Variants in HRH1 observed in about 807,000 individuals in gnomAD.
The protein encoded by HRH1 is histamine H1 receptor.
HRH1 carries 6 observed loss-of-function variants against 10.3 expected under a neutral mutation model. That is an observed-to-expected ratio of 0.58 (90% CI 0.32 to 1.15). The LOEUF is 1.15. Ranked by LOEUF, HRH1 falls within the 50% of genes most tolerant of loss-of-function variation. The pLI, the probability that HRH1 is intolerant of heterozygous loss-of-function variation, is 0.05. For synonymous variants in HRH1, 242 were observed against 236.7 expected (o/e 1.02, Z -0.21); for missense variants, 514 against 615.3 (o/e 0.84, Z 1.74).
intron 1 of HRH1, among the ~76,000 whole-genome samples, chr3:11,254,718 C>T (rs1158136679): frequency 6.6e-6 from 1 of 152,160 alleles, no homozygotes; most frequent in African/African-American, 2.4e-5. Context: ...AGATGAACCC[C>T]CAAGTTTGTT....
At chr3:11,257,559 CAA>C (rs1235459388) in intron 1 of HRH1, among the ~76,000 whole-genome samples, 7 of 99,542 alleles carry the variant, frequency 7.0e-5, no homozygotes, top group Admixed American at 1.1e-4. Context: ...GACTCCATCT[CAA>C]AAAAAAAAAA....
At chr3:11,257,831 G>T (rs1939822187) in intron 1 of HRH1, among the ~76,000 whole-genome samples, 1 of 152,074 alleles carries the variant, frequency 6.6e-6, no homozygotes, top group Admixed American at 6.6e-5. Context: ...AAATTTCATT[G>T]TAAAGACAGG....
intron 1 of HRH1, among the ~76,000 whole-genome samples, chr3:11,254,913 C>G (rs1055402950): frequency 1.3e-5 from 2 of 152,348 alleles, no homozygotes; most frequent in Admixed American, 1.3e-4. Context: ...GTCCTTTCCG[C>G]ATTGGCTGGG....
intron 1 of HRH1, among the ~76,000 whole-genome samples, chr3:11,225,021 T>G (rs1231294790): frequency 6.6e-6 from 1 of 152,162 alleles, no homozygotes. Flanking sequence ...TCAAAGTGGA[T>G]GCTCCACTGC....
intron 1 of HRH1, among the ~76,000 whole-genome samples, chr3:11,202,924 C>T (rs1937985217): frequency 6.6e-6 from 1 of 152,192 alleles, no homozygotes; most frequent in African/African-American, 2.4e-5. Flanking sequence ...TTCCCCTGCC[C>T]AAATCCTGCT....
At chr3:11,139,095 C>CT (rs1390232920) in intron 1 of HRH1, among the ~76,000 whole-genome samples, 1 of 150,932 alleles carries the variant, frequency 6.6e-6, no homozygotes, top group Non-Finnish European at 1.5e-5. Context: ...TCAAGTGATT[C>CT]TCCTGCCTCA....
chr3:11,153,608 C>T (rs1425699736), upstream of HRH1, among the ~76,000 whole-genome samples: 3 of 150,984 alleles, frequency 2.0e-5, no homozygotes, highest in Non-Finnish European at 4.4e-5. Flanking sequence ...CATAACTGTT[C>T]AAAGGTTCAA....
chr3:11,196,475 G>A (rs1937655519), intron 1 of HRH1, among the ~76,000 whole-genome samples: 1 of 151,788 alleles, frequency 6.6e-6, no homozygotes, highest in South Asian at 2.1e-4. Context: ...GCGTGATCTT[G>A]GCTCACTGCA....
In HRH1 at chr3:11,168,705, T is replaced by A. The variant is rs1937095810; in HGVS notation, c.-36+14151T>A. Among the ~76,000 whole-genome samples the A allele has an allele frequency of 2.0e-5, 3 of 152,152 alleles. No homozygotes were observed. The South Asian group carries it at 6.2e-4, about 32-fold the overall frequency. ...CTCCTGGCACAAAGCAGACACACAA[T>A]GATGAGAGGTACTCCTGCTGTGAGG... is the stretch of plus-strand genomic sequence containing the variant. On this transcript the variant is annotated intron_variant, in intron 1 of 1. Coordinates refer to ENST00000431010, the MANE Select transcript of HRH1 (RefSeq NM_001098212.2).
At chr3:11,222,798 C>A (rs1193357276) in intron 1 of HRH1, among the ~76,000 whole-genome samples, 2 of 152,158 alleles carry the variant, frequency 1.3e-5, no homozygotes, top group Admixed American at 6.5e-5. Flanking sequence ...CACTCCTAAT[C>A]AAGGCCCTTA....
chr3:11,231,220 G>A (rs549460376), intron 1 of HRH1, among the ~76,000 whole-genome samples: 26 of 152,248 alleles, frequency 1.7e-4, no homozygotes, highest in Non-Finnish European at 1.8e-4. Context: ...CAGTTGGTTG[G>A]TTGCTCATTC....
At chr3:11,174,784 G>A (rs931887948) in intron 1 of HRH1, among the ~76,000 whole-genome samples, 1 of 152,166 alleles carries the variant, frequency 6.6e-6, no homozygotes, top group Non-Finnish European at 1.5e-5. Flanking sequence ...CTCCCAGCTG[G>A]CCCCCACAGC....
intron 1 of HRH1, among the ~76,000 whole-genome samples, chr3:11,167,500 G>A (rs529063049): frequency 1.4e-4 from 21 of 149,252 alleles, no homozygotes; most frequent in East Asian, 1.0e-3. Flanking sequence ...CTCCAGGCCC[G>A]TGACATCTGC....
intron 1 of HRH1, among the ~76,000 whole-genome samples, chr3:11,244,438 C>G (rs1195860837): frequency 2.0e-5 from 3 of 152,138 alleles, no homozygotes. Context: ...CAGCTTCCAC[C>G]ACAGTGAAAA....
chr3:11,249,285 C>T (rs1939573848), intron 1 of HRH1, among the ~76,000 whole-genome samples: 1 of 151,588 alleles, frequency 6.6e-6, no homozygotes, highest in Non-Finnish European at 1.5e-5. Flanking sequence ...TGCCTGTAGT[C>T]CCAGCTACTC....
rs1352138346 is a variant in HRH1, at chr3:11,246,180, G to A, written c.-35-12823G>A. Among the ~76,000 whole-genome samples, 5 of 152,230 alleles carry A rather than the reference G, an allele frequency of 3.3e-5. No homozygotes were observed. The South Asian group carries it at 1.0e-3, about 32-fold the overall frequency. ...GCCCAGCAAGCAGCGGAGCAAGGGTGAGGACTCAGCTCCTGCCTCTAGAGC... is the reference window on the plus strand; with the variant it reads ...GCCCAGCAAGCAGCGGAGCAAGGGTAAGGACTCAGCTCCTGCCTCTAGAGC... On this transcript the variant is annotated intron_variant, in intron 1 of 1. Coordinates refer to ENST00000431010, the MANE Select transcript of HRH1 (RefSeq NM_001098212.2).
At chr3:11,169,219 G>A (rs1436620142) in intron 1 of HRH1, among the ~76,000 whole-genome samples, 4 of 152,192 alleles carry the variant, frequency 2.6e-5, no homozygotes, top group African/African-American at 9.7e-5. Context: ...TCCTTGCCTG[G>A]TGGGGGTGAG....
At chr3:11,189,498 G>A (rs1032371778) in intron 1 of HRH1, among the ~76,000 whole-genome samples, 2 of 152,300 alleles carry the variant, frequency 1.3e-5, no homozygotes, top group East Asian at 1.9e-4. Flanking sequence ...ATCTGTGGAT[G>A]TAACAAGTTT....
chr3:11,178,202 C>T lies in HRH1; in HGVS notation c.-36+23648C>T, dbSNP rs144320064. On this transcript the variant is annotated intron_variant, in intron 1 of 1. Transcript: ENST00000431010. ...CCCCTCTGGGGCCCAGGTTCAAGTCCCTCGCCAGCTTCTGACTGCTGGGCT... is the reference window on the plus strand; with the variant it reads ...CCCCTCTGGGGCCCAGGTTCAAGTCTCTCGCCAGCTTCTGACTGCTGGGCT... Among the ~76,000 whole-genome samples, 18 of 152,306 alleles carry T rather than the reference C, an allele frequency of 1.2e-4. No individual in the cohort carries two copies. In the East Asian group the frequency reaches 3.5e-3, roughly 29 times the overall value.
Sources: gnomAD v4.1 joint callset for allele counts (sites outside exome capture counted in the v4.1 genomes callset) on GRCh38, gnomAD v4.1.1 for gene constraint, MANE v1.5 for transcripts, NCBI Gene and HGNC (gene_info 2026-07-23, HGNC 2026-07-21) for gene names.